ARHGAP10: variants seen among roughly 807,000 people sequenced by gnomAD.
ARHGAP10 encodes rho GTPase-activating protein 10.
In ARHGAP10, 87 loss-of-function variants were observed where a neutral mutation model predicts 108.6. That is an observed-to-expected ratio of 0.80 (90% CI 0.67 to 0.96). ARHGAP10 has a LOEUF of 0.96. Among genes scored for constraint, ARHGAP10 ranks in the 40% least tolerant of loss-of-function variants. ARHGAP10 has a pLI of 0.00. For synonymous variants in ARHGAP10, 347 were observed against 341.1 expected (o/e 1.02, Z -0.19); for missense variants, 939 against 954.5 (o/e 0.98, Z 0.21).
chr4:148,027,781 G>A (rs1466566828), intron 19 of ARHGAP10, among the ~76,000 whole-genome samples: 1 of 152,176 alleles, frequency 6.6e-6, no homozygotes, highest in African/African-American at 2.4e-5. Flanking sequence ...AAAGAATTTG[G>A]TTTGATTTTG....
intron 3 of ARHGAP10, among the ~76,000 whole-genome samples, chr4:147,834,767 C>G (rs1264267955): frequency 8.4e-6 from 1 of 119,278 alleles, no homozygotes; most frequent in Non-Finnish European, 1.7e-5. Flanking sequence ...CACACCCATA[C>G]ACACCCACCC....
chr4:147,745,904 A>G (rs911989945), intron 1 of ARHGAP10, among the ~76,000 whole-genome samples: 1 of 150,824 alleles, frequency 6.6e-6, no homozygotes, highest in African/African-American at 2.4e-5. Flanking sequence ...CTCCTGCCTC[A>G]GCCTCCTGAG....
At chr4:148,071,046 A>T (rs1205534106) in intron 22 of ARHGAP10, among the ~76,000 whole-genome samples, 3 of 152,214 alleles carry the variant, frequency 2.0e-5, no homozygotes, top group Admixed American at 6.5e-5. Flanking sequence ...GGCTGCCTTC[A>T]GGAGTTTCCC....
intron 1 of ARHGAP10, among the ~76,000 whole-genome samples, chr4:147,733,999 G>A (rs1244657032): frequency 1.1e-4 from 1 of 9,038 alleles, no homozygotes; most frequent in African/African-American, 4.8e-4. Context: ...GTGTTGGGTG[G>A]GAAGTAGGGG....
chr4:148,005,376 G>A (rs1740905113), intron 18 of ARHGAP10, among the ~76,000 whole-genome samples: 1 of 152,022 alleles, frequency 6.6e-6, no homozygotes, highest in African/African-American at 2.4e-5. Flanking sequence ...TTGAGCCCAG[G>A]AGTTTGAGAC....
intron 5 of ARHGAP10, 191 bp from the exon 6 acceptor site, chr4:147,864,655 C>T: frequency 1.9e-6 from 1 of 521,146 alleles, no homozygotes; most frequent in Non-Finnish European, 3.4e-6. Flanking sequence ...CTGCTCAATT[C>T]TGCTGTTGCA....
At chr4:147,853,619 G>GT (rs1273428005) in intron 4 of ARHGAP10, among the ~76,000 whole-genome samples, 3 of 151,932 alleles carry the variant, frequency 2.0e-5, no homozygotes, top group Non-Finnish European at 4.4e-5. Context: ...ATTATTGTGT[G>GT]TTTTTTGCAA....
chr4:147,954,484 A>G (rs1321919857), intron 15 of ARHGAP10, among the ~76,000 whole-genome samples: 1 of 151,966 alleles, frequency 6.6e-6, no homozygotes, highest in East Asian at 1.9e-4. Context: ...GGCTTTGCAT[A>G]TGTTAAAAAA....
At chr4:147,943,404 G>A (rs997894759) in intron 14 of ARHGAP10, among the ~76,000 whole-genome samples, 1 of 152,210 alleles carries the variant, frequency 6.6e-6, no homozygotes, top group Non-Finnish European at 1.5e-5. Flanking sequence ...GTGAACTAAC[G>A]TAGCTGAAAA....
chr4:147,902,583 A>T (rs1291490320), intron 10 of ARHGAP10, among the ~76,000 whole-genome samples: 1 of 152,132 alleles, frequency 6.6e-6, no homozygotes, highest in Non-Finnish European at 1.5e-5. Context: ...TCTACTAAAA[A>T]TAGAAAAATT....
chr4:147,798,437 G>A (rs1389863935), intron 1 of ARHGAP10, among the ~76,000 whole-genome samples: 6 of 152,046 alleles, frequency 3.9e-5, no homozygotes, highest in Non-Finnish European at 8.8e-5. Context: ...TTGGCCAGGT[G>A]TGGTGGCTCA....
At chr4:147,879,373 T>C in intron 9 of ARHGAP10, 35 bp downstream of exon 9, 3 of 1,578,364 alleles carry the variant, frequency 1.9e-6, no homozygotes, top group Non-Finnish European at 1.7e-6. Context: ...TAGATTATAA[T>C]CTGTCAGAGG....
chr4:147,846,845 AT>A (rs1271508624), intron 3 of ARHGAP10, among the ~76,000 whole-genome samples: 12 of 152,360 alleles, frequency 7.9e-5, no homozygotes, highest in African/African-American at 2.4e-4. Flanking sequence ...TGTTCTGTTA[AT>A]GAATGTGATA....
intron 1 of ARHGAP10, among the ~76,000 whole-genome samples, chr4:147,738,709 T>C (rs959370067): frequency 7.9e-5 from 12 of 152,236 alleles, no homozygotes; most frequent in African/African-American, 2.9e-4. Flanking sequence ...GGCCCTGTTC[T>C]TGCCTCAAAA....
chr4:147,976,688 T>C (rs990081876), intron 18 of ARHGAP10, among the ~76,000 whole-genome samples: 2 of 152,204 alleles, frequency 1.3e-5, no homozygotes, highest in Admixed American at 6.5e-5. Context: ...GTCTTCCTTA[T>C]TCTGTTTTTC....
chr4:147,966,784 T>C lies in ARHGAP10; in HGVS notation c.1661T>C (p.Met554Thr). 1.2e-6 allele frequency: 2 copies of C among 1,602,874 alleles called. No homozygotes were observed. Among genetic ancestry groups the C allele is most frequent in the Non-Finnish European group, 8.5e-7 (1 of 1,172,238 alleles). Reference protein sequence around the residue: ...RPQEETVAALMDLKFQNIVVE... With the variant: ...RPQEETVAALTDLKFQNIVVE... ...CAGGAAGAAACTGTCGCTGCCCTCA[T>C]GGACTTGAAGTTTCAGAATATTGTT... The change falls in exon 18 of 23, where the codon ATG (methionine) becomes ACG (threonine). Residue 554 changes from methionine to threonine, a missense_variant. Coordinates refer to ENST00000336498, the MANE Select transcript of ARHGAP10 (RefSeq NM_024605.4).
chr4:147,746,479 C>T (rs982164454), intron 1 of ARHGAP10, among the ~76,000 whole-genome samples: 3 of 151,338 alleles, frequency 2.0e-5, no homozygotes, highest in Non-Finnish European at 4.4e-5. Flanking sequence ...TGGCTCACTG[C>T]AACCTCCACC....
intron 13 of ARHGAP10, among the ~76,000 whole-genome samples, chr4:147,914,816 T>C (rs973099077): frequency 2.6e-5 from 4 of 152,324 alleles, no homozygotes; most frequent in African/African-American, 9.6e-5. Context: ...TAGGGAAAAC[T>C]AATTCCTCCG....
chr4:147,913,651 G>C (rs1057001675), intron 13 of ARHGAP10, among the ~76,000 whole-genome samples: 13 of 152,004 alleles, frequency 8.6e-5, no homozygotes, highest in African/African-American at 3.1e-4. Context: ...CACCCTAAAG[G>C]CCTCTTTAAA....
Sources: allele counts gnomAD v4.1 joint callset (sites outside exome capture counted in the v4.1 genomes callset), GRCh38; gene constraint gnomAD v4.1.1; transcripts MANE v1.5; gene names NCBI Gene and HGNC (gene_info 2026-07-23, HGNC 2026-07-21).